MYLK: variants seen among roughly 807,000 people sequenced by gnomAD.
The protein encoded by MYLK is myosin light chain kinase.
In MYLK, 106 loss-of-function variants were observed where a neutral mutation model predicts 203.4. That is an observed-to-expected ratio of 0.52 (90% CI 0.45 to 0.61). MYLK has a LOEUF of 0.61. MYLK is among the 20% of genes least tolerant of loss of function. The pLI, the probability that MYLK is intolerant of heterozygous loss-of-function variation, is 0.00. For missense variants in MYLK, 2,072 were observed against 2,442.3 expected, an observed-to-expected ratio of 0.85 and a Z score of 3.20; for synonymous variants, 867 against 959.5, an observed-to-expected ratio of 0.90 and a Z score of 1.78.
chr3:123,837,849 CA>C (rs1419395903), intron 2 of MYLK, among the ~76,000 whole-genome samples: 1 of 151,296 alleles, frequency 6.6e-6, no homozygotes, highest in Non-Finnish European at 1.5e-5. Context: ...GATGAGTCAA[CA>C]GAAATTATCC....
intron 23 of MYLK, among the ~76,000 whole-genome samples, chr3:123,658,785 T>C (rs529901759): frequency 6.6e-5 from 10 of 152,222 alleles, no homozygotes; most frequent in Non-Finnish European, 1.0e-4. Flanking sequence ...CCTGTGTATA[T>C]GGAGAAGAAA....
In MYLK at chr3:123,614,234, A is replaced by C. The variant is rs777340868; in HGVS notation, c.5616T>G (p.Val1872=). The change falls in exon 34 of 34, where the codon GTT becomes GTG. Residue 1872 remains valine (V), a synonymous_variant. Coordinates refer to ENST00000360304, the MANE Select transcript of MYLK (RefSeq NM_053025.4). ...TGTACTTGGCATCGTCATCCCCGCA[A>C]ACATCACTAATAATTAAAGAGCAGT... The part of the protein sequence containing the change: ...DGNCSLIISD[V]CGDDDAKYTC... The C allele has an allele frequency of 2.6e-5, 42 of 1,614,056 alleles. No individual in the cohort carries two copies. Among genetic ancestry groups the C allele is most frequent in the Non-Finnish European group, 3.5e-5 (41 of 1,180,006 alleles).
intron 4 of MYLK, among the ~76,000 whole-genome samples, chr3:123,761,551 G>A (rs1477104101): frequency 6.6e-6 from 1 of 152,184 alleles, no homozygotes; most frequent in African/African-American, 2.4e-5. Context: ...ACAAGTGGCA[G>A]ACAGCAGCCT....
intron 4 of MYLK, among the ~76,000 whole-genome samples, chr3:123,780,855 A>T (rs2064270332): frequency 6.6e-6 from 1 of 152,190 alleles, no homozygotes; most frequent in Admixed American, 6.5e-5. Flanking sequence ...GATTGTCTAG[A>T]GGCTCACATT....
chr3:123,699,607 T>C (rs2061093091), intron 18 of MYLK, among the ~76,000 whole-genome samples: 1 of 152,258 alleles, frequency 6.6e-6, no homozygotes, highest in African/African-American at 2.4e-5. Context: ...AGCTTCTCCC[T>C]GGCTCCAGCC....
chr3:123,650,342 T>G (rs970937793), intron 24 of MYLK, among the ~76,000 whole-genome samples: 3 of 151,860 alleles, frequency 2.0e-5, no homozygotes, highest in African/African-American at 7.3e-5. Context: ...GAATGGGAGG[T>G]TTCCCAAGGA....
intron 19 of MYLK, among the ~76,000 whole-genome samples, chr3:123,685,463 T>C (rs1034872772): frequency 2.0e-5 from 3 of 152,070 alleles, no homozygotes; most frequent in African/African-American, 7.2e-5. Context: ...CACTGTGGCA[T>C]GTGCTTGTAG....
intron 23 of MYLK, 57 bp downstream of exon 23, chr3:123,664,048 G>A: frequency 6.2e-7 from 1 of 1,611,440 alleles, no homozygotes; most frequent in African/African-American, 1.3e-5. Flanking sequence ...ATCTTGCCTG[G>A]GGGCTCCCTG....
chr3:123,826,775 C>T (rs1206999543), intron 3 of MYLK, among the ~76,000 whole-genome samples: 1 of 152,236 alleles, frequency 6.6e-6, no homozygotes, highest in Non-Finnish European at 1.5e-5. Flanking sequence ...CAAACTCTTT[C>T]AGCCTAGGTC....
chr3:123,764,088 T>C (rs2063624402), intron 4 of MYLK, among the ~76,000 whole-genome samples: 1 of 152,256 alleles, frequency 6.6e-6, no homozygotes, highest in Non-Finnish European at 1.5e-5. Context: ...AAACCCTTTT[T>C]CAGTTTCTCA....
chr3:123,787,816 T>A (rs2064596789), intron 4 of MYLK, among the ~76,000 whole-genome samples: 1 of 152,328 alleles, frequency 6.6e-6, no homozygotes, highest in African/African-American at 2.4e-5. Context: ...CTATCATATC[T>A]ACCCCATTCC....
At chr3:123,829,615 G>A (rs894390596) in intron 3 of MYLK, among the ~76,000 whole-genome samples, 5 of 152,106 alleles carry the variant, frequency 3.3e-5, no homozygotes, top group Admixed American at 6.5e-5. Context: ...CAAACATAAA[G>A]AAATGATAAA....
intron 2 of MYLK, among the ~76,000 whole-genome samples, chr3:123,842,076 T>C (rs777556331): frequency 3.9e-5 from 6 of 152,040 alleles, no homozygotes; most frequent in Non-Finnish European, 7.4e-5. Flanking sequence ...ACAGATAAAA[T>C]ATTATTATAC....
At chr3:123,656,847 C>A (rs937763064) in intron 24 of MYLK, among the ~76,000 whole-genome samples, 1 of 152,252 alleles carries the variant, frequency 6.6e-6, no homozygotes, top group East Asian at 1.9e-4. Context: ...AACATGAGGC[C>A]GCTTGAACTC....
Position 123,640,886 on chromosome 3 carries a change from C to A in MYLK, c.4620-382G>T, listed in dbSNP as rs1188856188. Among the ~76,000 whole-genome samples, 4 of 152,212 alleles carry A rather than the reference C, an allele frequency of 2.6e-5. No homozygotes were observed. In the South Asian group the frequency reaches 6.2e-4, roughly 24 times the overall value. On this transcript the variant is annotated intron_variant, in intron 27 of 33. Transcript: ENST00000360304. The surrounding 1 kb of genome is among the most constrained non-coding windows in gnomAD (Gnocchi z 4.3). ...GAACATTCTTGTACTCTAGCCGTGT[C>A]TTTTAGTCACAGGGAACTCAAGTTC...
intron 31 of MYLK, 53 bp from the exon 32 acceptor site, chr3:123,620,389 G>T: frequency 6.2e-7 from 1 of 1,612,436 alleles, no homozygotes; most frequent in Non-Finnish European, 8.5e-7. Context: ...GTTCCAGCTG[G>T]GTAGTGCGAG....
intron 16 of MYLK, among the ~76,000 whole-genome samples, chr3:123,702,714 C>T (rs974077541): frequency 4.1e-4 from 63 of 152,122 alleles, no homozygotes; most frequent in African/African-American, 1.4e-3. Context: ...GTAGTCCAGG[C>T]GCAGTGGTTC....
intron 3 of MYLK, among the ~76,000 whole-genome samples, chr3:123,816,704 C>A (rs924999928): frequency 6.6e-6 from 1 of 152,230 alleles, no homozygotes; most frequent in Non-Finnish European, 1.5e-5. Context: ...AATGCCCCTG[C>A]CAAATCCAGG....
At chr3:123,814,320 G>C (rs538949589) in intron 3 of MYLK, 2 of 159,280 alleles carry the variant, frequency 1.3e-5, no homozygotes, top group African/African-American at 4.8e-5. Flanking sequence ...TTCACACTCC[G>C]GGTTATTTTG....
Sources: gnomAD v4.1 joint callset for allele counts (sites outside exome capture counted in the v4.1 genomes callset) on GRCh38, gnomAD v4.1.1 for gene constraint, Gnocchi (gnomAD v3.1) non-coding constraint, MANE v1.5 for transcripts, NCBI Gene and HGNC (gene_info 2026-07-23, HGNC 2026-07-21) for gene names.